The following DYNC2H1 variants were observed in gnomAD, a reference collection of about 807,000 sequenced individuals.
The protein encoded by DYNC2H1 is dynein cytoplasmic 2 heavy chain 1.
DYNC2H1 carries 410 observed loss-of-function variants against 570.0 expected under a neutral mutation model. The observed-to-expected ratio is 0.72, with a 90% CI of 0.66 to 0.78. The LOEUF is 0.78. Ranked by LOEUF, DYNC2H1 falls within the 30% of genes least tolerant of loss-of-function variation. The pLI is 0.00. For synonymous variants in DYNC2H1, 1,688 were observed against 1,677.6 expected, an observed-to-expected ratio of 1.01 and a Z score of -0.15; for missense variants, 4,865 against 5,046.4, an observed-to-expected ratio of 0.96 and a Z score of 1.09.
chr11:103,310,681 T>C (rs12419842), intron 78 of DYNC2H1, among the ~76,000 whole-genome samples: 23,818 of 115,034 alleles, frequency 0.21, 2,442 homozygotes, highest in Admixed American at 0.29. Context: ...TTCTTTTTTT[T>C]TTTTTTTTTT....
At chr11:103,216,557 C>T (rs571978241) in intron 55 of DYNC2H1, among the ~76,000 whole-genome samples, 3 of 152,120 alleles carry the variant, frequency 2.0e-5, no homozygotes, top group East Asian at 1.9e-4. Flanking sequence ...TTTGGGAAGC[C>T]GAGTGGGAAG....
At chr11:103,302,950 AT>A in intron 75 of DYNC2H1, 142 bp from the exon 76 acceptor site, 1 of 558,404 alleles carries the variant, frequency 1.8e-6, no homozygotes, top group Non-Finnish European at 2.7e-6. Flanking sequence ...CTAGTATATT[AT>A]TTTAGAGTAG....
chr11:103,389,463 G>A (rs1194344970), intron 83 of DYNC2H1, among the ~76,000 whole-genome samples: 2 of 152,016 alleles, frequency 1.3e-5, no homozygotes, highest in Non-Finnish European at 2.9e-5. Flanking sequence ...TGGATTCATT[G>A]ATTTCTTGAA....
intron 78 of DYNC2H1, among the ~76,000 whole-genome samples, chr11:103,309,168 A>ATTTTTTTTTTTTTTTGTTTT (rs1867446259): frequency 1.8e-5 from 1 of 54,620 alleles, no homozygotes; most frequent in Non-Finnish European, 3.4e-5. Flanking sequence ...ACTGCATGCT[A>ATTTTTTTTTTTTTTTGTTTT]TTTTTTTTTT....
chr11:103,415,145 C>T (rs9735875), intron 84 of DYNC2H1, among the ~76,000 whole-genome samples: 76,653 of 151,450 alleles, frequency 0.51, 19,609 homozygotes, highest in African/African-American at 0.6. Flanking sequence ...CCCTACCTTA[C>T]ACCTTATACA....
chr11:103,286,071 C>T (rs892835411), intron 73 of DYNC2H1, among the ~76,000 whole-genome samples, 184 bp from the exon 74 acceptor site: 1 of 152,086 alleles, frequency 6.6e-6, no homozygotes, highest in African/African-American at 2.4e-5. Flanking sequence ...TTAATTCTGG[C>T]TTTAATATTA....
chr11:103,154,512 A>C lies in DYNC2H1; in HGVS notation c.3364A>C (p.Lys1122Gln). 1 of 1,575,312 alleles carries C rather than the reference A, an allele frequency of 6.3e-7. No homozygotes were observed. Among genetic ancestry groups the C allele is most frequent in the Non-Finnish European group, 8.6e-7 (1 of 1,160,220 alleles). ...TTTCTCCCTGGCAAGTAGTATCTCT[A>C]AAGATATCGAGAGCTGTGCCCAAAT... is the stretch of plus-strand genomic sequence containing the variant. ...PNFSLASSISKDIESCAQIWA... is the reference protein window; with the variant it reads ...PNFSLASSISQDIESCAQIWA... The change falls in exon 23 of 89, where the codon AAA becomes CAA. Residue 1122 changes from lysine to glutamine, a missense_variant. By Grantham distance (53) the Lys-to-Gln change is moderately conservative. This residue lies in a region of DYNC2H1 where 1,936 missense variants were observed against 1,962.1 expected (regional missense o/e 0.99). Coordinates refer to ENST00000375735, the MANE Select transcript of DYNC2H1 (RefSeq NM_001377.3).
intron 70 of DYNC2H1, among the ~76,000 whole-genome samples, chr11:103,274,236 T>A (rs780496357): frequency 2.0e-5 from 3 of 151,942 alleles, no homozygotes; most frequent in Non-Finnish European, 4.4e-5. Flanking sequence ...GACTCATACA[T>A]GTAATCTCAG....
intron 78 of DYNC2H1, among the ~76,000 whole-genome samples, chr11:103,309,166 C>CTTTTTTTTTTTTT (rs1274431520): frequency 3.5e-5 from 2 of 56,538 alleles, no homozygotes; most frequent in Non-Finnish European, 7.9e-5. Context: ...TAACTGCATG[C>CTTTTTTTTTTTTT]TATTTTTTTT....
intron 65 of DYNC2H1, 51 bp from the exon 66 acceptor site, chr11:103,253,234 A>G (rs1864907590): frequency 6.6e-7 from 1 of 1,517,828 alleles, no homozygotes; most frequent in Non-Finnish European, 8.9e-7. Context: ...AATATTGTAT[A>G]GTGAAATACA....
chr11:103,294,341 C>A (rs1195556226), intron 75 of DYNC2H1, among the ~76,000 whole-genome samples: 2 of 152,032 alleles, frequency 1.3e-5, no homozygotes, highest in African/African-American at 4.8e-5. Flanking sequence ...CTTGTTTTTA[C>A]CTATTCTTCT....
chr11:103,130,560 C>T (rs2134756076), intron 13 of DYNC2H1, among the ~76,000 whole-genome samples: 1 of 152,236 alleles, frequency 6.6e-6, no homozygotes, highest in South Asian at 2.1e-4. Flanking sequence ...ATAATCATGC[C>T]ATGAAGAAAT....
rs372142007 is a variant in DYNC2H1 at position 103,286,270 on chromosome 11, C to T, written c.10906C>T (p.Leu3636Phe). The change falls in exon 74 of 89, where the codon CTT (leucine) becomes TTT (phenylalanine). Residue 3636 changes from leucine (L) to phenylalanine (F), a missense_variant. Leu to Phe is a conservative substitution (Grantham distance 22). Coordinates refer to ENST00000375735, the MANE Select transcript of DYNC2H1 (RefSeq NM_001377.3). ...VATLKIALPS[L>F]YQTLCFEDAA... is the part of the protein sequence containing the mutation. ...TATTTTTTAGATTGCTCTCCCCAGT[C>T]TTTATCAGACCCTCTGCTTTGAAGA... The T allele has an allele frequency of 6.2e-7, 1 of 1,613,502 alleles. No homozygotes were observed.
rs17374630 is a variant in DYNC2H1, at chr11:103,189,365, A to G, written c.7293-307A>G. 0.089 allele frequency among the ~76,000 whole-genome samples: 13,470 copies of G among 152,180 alleles called. 790 individuals are homozygous for G. Among genetic ancestry groups the G allele is most frequent in the Non-Finnish European group, 0.12 (8,149 of 67,984 alleles). The stretch of plus-strand genomic sequence containing the variant: ...CTGTGTACAGACCTTATGTAACTCA[A>G]AAATGCTTTTCAAAAGTAAAATTTT... On this transcript the variant is annotated intron_variant, in intron 44 of 88. Coordinates refer to ENST00000375735, the MANE Select transcript of DYNC2H1 (RefSeq NM_001377.3). The surrounding 1 kb of genome is among the most constrained non-coding windows in gnomAD (Gnocchi z 4.3).
chr11:103,375,630 A>G (rs544999531), intron 83 of DYNC2H1, among the ~76,000 whole-genome samples: 11 of 152,214 alleles, frequency 7.2e-5, no homozygotes, highest in African/African-American at 1.7e-4. Flanking sequence ...TGGAACTTTA[A>G]TGACTGCCCT....
At chr11:103,426,007 A>T (rs559483864) in intron 84 of DYNC2H1, among the ~76,000 whole-genome samples, 1 of 152,252 alleles carries the variant, frequency 6.6e-6, no homozygotes, top group East Asian at 1.9e-4. Flanking sequence ...CCCACGCTGA[A>T]GGTTGTGGGT....
chr11:103,191,355 C>A (rs1397708399), intron 45 of DYNC2H1, among the ~76,000 whole-genome samples, 162 bp from the exon 46 acceptor site: 11 of 151,962 alleles, frequency 7.2e-5, no homozygotes, highest in African/African-American at 2.7e-4. Flanking sequence ...TTTTTAAGTG[C>A]ATAAAATATA....
intron 31 of DYNC2H1, among the ~76,000 whole-genome samples, chr11:103,167,561 C>A (rs552748711): frequency 1.3e-5 from 2 of 152,262 alleles, no homozygotes; most frequent in African/African-American, 4.8e-5. Flanking sequence ...AGCCTCTTTG[C>A]CCGGCAATAA....
intron 82 of DYNC2H1, among the ~76,000 whole-genome samples, chr11:103,351,482 G>A (rs1436756114): frequency 1.3e-5 from 2 of 152,084 alleles, no homozygotes; most frequent in Non-Finnish European, 2.9e-5. Context: ...ATTTATCGAA[G>A]GCTATTATTA....
Sources: allele counts gnomAD v4.1 joint callset (sites outside exome capture counted in the v4.1 genomes callset), GRCh38; gene constraint gnomAD v4.1.1; regional missense constraint gnomAD v4.1.1; non-coding constraint Gnocchi (gnomAD v3.1); transcripts MANE v1.5; gene names NCBI Gene and HGNC (gene_info 2026-07-23, HGNC 2026-07-21).